Variants in COL5A1 observed in about 807,000 individuals in gnomAD.
COL5A1 encodes collagen type V alpha 1 chain.
Under a neutral mutation model 263.7 loss-of-function variants are expected in COL5A1, and 16 were observed. That is an observed-to-expected ratio of 0.06 (90% CI 0.04 to 0.09). COL5A1 has a LOEUF of 0.09. Among genes scored for constraint, COL5A1 ranks in the 10% least tolerant of loss-of-function variants. The pLI, the probability that COL5A1 is intolerant of heterozygous loss-of-function variation, is 1.00. For missense variants in COL5A1, 2,036 were observed against 2,540.5 expected (o/e 0.80, Z 4.27); for synonymous variants, 1,012 against 1,004.5 (o/e 1.01, Z -0.14).
At chr9:134,836,623 AG>A (rs1274071516) in intron 65 of COL5A1, among the ~76,000 whole-genome samples, 1 of 152,210 alleles carries the variant, frequency 6.6e-6, no homozygotes, top group Non-Finnish European at 1.5e-5. Flanking sequence ...GTGCCGACTG[AG>A]AGTGCAAGGC....
intron 1 of COL5A1, among the ~76,000 whole-genome samples, chr9:134,666,070 GA>G (rs1832345466): frequency 6.6e-6 from 1 of 152,146 alleles, no homozygotes; most frequent in South Asian, 2.1e-4. Context: ...CTGGGTGACA[GA>G]GCGAGACTCC....
intron 1 of COL5A1, among the ~76,000 whole-genome samples, chr9:134,657,716 T>C: frequency 6.7e-6 from 1 of 149,922 alleles, no homozygotes; most frequent in Non-Finnish European, 1.5e-5. Context: ...CAGGAGCTTC[T>C]CCAGATGAGT....
At chr9:134,803,090 A>G (rs2132822693) in intron 39 of COL5A1, 95 bp downstream of exon 39, 1 of 993,504 alleles carries the variant, frequency 1.0e-6, no homozygotes, top group South Asian at 1.4e-5. Context: ...ATGAATGGGT[A>G]ATTCGTCAAA....
chr9:134,718,740 C>T (rs1437616696), intron 4 of COL5A1, among the ~76,000 whole-genome samples: 3 of 152,192 alleles, frequency 2.0e-5, no homozygotes, highest in Non-Finnish European at 4.4e-5. Flanking sequence ...GTGGGGGCTG[C>T]AGGCAGAGAC....
intron 48 of COL5A1, 80 bp from the exon 49 acceptor site, chr9:134,813,903 T>C (rs1052767612): frequency 6.7e-7 from 1 of 1,489,474 alleles, no homozygotes. Flanking sequence ...GCAGGCAGGA[T>C]TTGGCAAATG....
Position 134,824,629 on chromosome 9 carries a change from G to A in COL5A1, c.4728G>A (p.Leu1576=), listed in dbSNP as rs2132883641. 1 of 1,614,166 alleles carries A rather than the reference G, an allele frequency of 6.2e-7. No individual in the cohort carries two copies. Among genetic ancestry groups the A allele is most frequent in the Non-Finnish European group, 8.5e-7 (1 of 1,180,044 alleles). ...PGPPGEVIQP[L]PIQASRTRRN... ...CCCCGGGAGAGGTCATCCAGCCCCTGCCAATCCAGGCATCCAGGACGCGGC... is the reference window on the plus strand; with the variant it reads ...CCCCGGGAGAGGTCATCCAGCCCCTACCAATCCAGGCATCCAGGACGCGGC... The change falls in exon 62 of 66, where the codon CTG becomes CTA. Residue 1576 remains leucine, a synonymous_variant. Transcript: ENST00000371817.
At chr9:134,839,420 A>G (rs555112524) in intron 65 of COL5A1, among the ~76,000 whole-genome samples, 11 of 152,292 alleles carry the variant, frequency 7.2e-5, no homozygotes, top group Non-Finnish European at 1.2e-4. Flanking sequence ...AAATCACCCG[A>G]CAGCTCAGCA....
intron 58 of COL5A1, 93 bp downstream of exon 58, chr9:134,820,316 C>G: frequency 1.0e-6 from 1 of 979,508 alleles, no homozygotes; most frequent in Non-Finnish European, 1.6e-6. Context: ...CCATCAGAGC[C>G]CGGAAGGACG....
chr9:134,693,908 C>T (rs1024178446), intron 2 of COL5A1, among the ~76,000 whole-genome samples: 2 of 152,120 alleles, frequency 1.3e-5, no homozygotes, highest in Non-Finnish European at 2.9e-5. Context: ...TCAGCCTAAG[C>T]GCTAGGGGAG....
intron 4 of COL5A1, chr9:134,708,425 G>C (rs544969449): frequency 2.2e-5 from 9 of 408,836 alleles, no homozygotes; most frequent in Non-Finnish European, 3.9e-5. Context: ...CTCCCGGGGT[G>C]GGGGCTCTGG....
At chr9:134,666,007 A>C (rs1227351586) in intron 1 of COL5A1, among the ~76,000 whole-genome samples, 1 of 152,146 alleles carries the variant, frequency 6.6e-6, no homozygotes, top group Non-Finnish European at 1.5e-5. Context: ...GAATCGCTTG[A>C]ACCCGGGAGG....
chr9:134,759,224 C>G (rs1018139628), intron 18 of COL5A1, among the ~76,000 whole-genome samples: 4 of 142,518 alleles, frequency 2.8e-5, no homozygotes, highest in African/African-American at 5.7e-5. Context: ...ACACACACAC[C>G]CACACATACA....
Position 134,824,873 on chromosome 9 carries a change from C to T in COL5A1, c.4954+18C>T. The T allele has an allele frequency of 6.2e-7, 1 of 1,603,662 alleles. No homozygotes were observed. The highest frequency in any genetic ancestry group is 8.5e-7 in the Non-Finnish European group (1 of 1,176,570). On this transcript the variant is annotated intron_variant, in intron 62 of 65. Coordinates refer to ENST00000371817, the MANE Select transcript of COL5A1 (RefSeq NM_000093.5). ...CCCAGATGGTGAGGGCCTGGGGGGG[C>T]AGGGGTGGCCCCCCAAAGCGGGCAT...
intron 4 of COL5A1, among the ~76,000 whole-genome samples, chr9:134,703,874 T>C (rs11999392): frequency 0.091 from 13,812 of 151,824 alleles, 1,366 homozygotes; most frequent in African/African-American, 0.24. Flanking sequence ...CTCCTGACCT[T>C]GTGATCCGCC....
intron 64 of COL5A1, among the ~76,000 whole-genome samples, chr9:134,831,181 G>A (rs1334816475): frequency 6.6e-6 from 1 of 152,312 alleles, no homozygotes; most frequent in East Asian, 1.9e-4. Flanking sequence ...CAGAGCACTG[G>A]CCCTGAGCCG....
intron 1 of COL5A1, among the ~76,000 whole-genome samples, chr9:134,665,296 C>A (rs568628261): frequency 6.6e-6 from 1 of 152,192 alleles, no homozygotes; most frequent in East Asian, 1.9e-4. Flanking sequence ...TGTGGAGAAC[C>A]GCTGTGCAGC....
chr9:134,815,918 C>T lies in COL5A1; in HGVS notation c.4069-17C>T, dbSNP rs1235045693. The T allele has an allele frequency of 3.1e-6, 5 of 1,613,928 alleles. No homozygotes were observed. The South Asian group carries it at 3.3e-5, about 11-fold the overall frequency. On this transcript the variant is annotated splice_polypyrimidine_tract_variant and intron_variant, in intron 51 of 65. Coordinates refer to ENST00000371817, the MANE Select transcript of COL5A1 (RefSeq NM_000093.5). Reference sequence around the variant, plus strand: ...GCCATCCGGGGTTCAGCAAGGAGCTCGCTTTTGCCTCCATAGGGTCAAGAT... The same window carrying T: ...GCCATCCGGGGTTCAGCAAGGAGCTTGCTTTTGCCTCCATAGGGTCAAGAT...
chr9:134,774,318 G>A (rs1038501060), intron 26 of COL5A1, among the ~76,000 whole-genome samples: 1 of 152,198 alleles, frequency 6.6e-6, no homozygotes, highest in Non-Finnish European at 1.5e-5. Flanking sequence ...GGCTGGGAGG[G>A]AGGCGGTGGG....
In COL5A1 at chr9:134,821,019, C is replaced by T. The variant is rs1304814362; in HGVS notation, c.4554+796C>T. On this transcript the variant is annotated intron_variant, in intron 58 of 65. Transcript: ENST00000371817. This position sits in a 1 kb window ranked among gnomAD's most constrained non-coding sequence, Gnocchi z 4.2. ...TAAGGTGGCACCCTCACTATGGGCC[C>T]GGGGAAGGTTGCAGGACATGGCTGA... 1.3e-5 allele frequency among the ~76,000 whole-genome samples: 2 copies of T among 152,108 alleles called. No homozygotes were observed. Among genetic ancestry groups the T allele is most frequent in the East Asian group, 1.9e-4 (1 of 5,180 alleles).
Sources: allele counts gnomAD v4.1 joint callset (sites outside exome capture counted in the v4.1 genomes callset), GRCh38; gene constraint gnomAD v4.1.1; non-coding constraint Gnocchi (gnomAD v3.1); transcripts MANE v1.5; gene names NCBI Gene and HGNC (gene_info 2026-07-23, HGNC 2026-07-21).